Variants in RBPMS observed in about 807,000 individuals in gnomAD.
RBPMS encodes the protein RNA binding protein, mRNA processing factor, also known as RNA-binding protein with multiple splicing.
A neutral mutation model predicts 26.8 loss-of-function variants in RBPMS; 7 were observed. That is an observed-to-expected ratio of 0.26 (90% CI 0.15 to 0.49). The LOEUF is 0.49. Ranked by LOEUF, RBPMS falls within the 20% of genes least tolerant of loss-of-function variation. The probability of loss-of-function intolerance (pLI) is 0.98; values close to 1 mark genes in which losing one functional copy is unlikely to be tolerated. For missense variants in RBPMS, 186 were observed against 250.0 expected, an observed-to-expected ratio of 0.74 and a Z score of 1.73; for synonymous variants, 96 against 93.3, an observed-to-expected ratio of 1.03 and a Z score of -0.17.
intron 5 of RBPMS, among the ~76,000 whole-genome samples, chr8:30,543,010 A>G (rs1223828402): frequency 6.6e-6 from 1 of 152,242 alleles, no homozygotes; most frequent in Non-Finnish European, 1.5e-5. Flanking sequence ...ACCTAGATGC[A>G]CAGGCAGTCT....
chr8:30,506,973 G>A (rs1821139247), intron 5 of RBPMS, among the ~76,000 whole-genome samples: 1 of 152,152 alleles, frequency 6.6e-6, no homozygotes, highest in Admixed American at 6.5e-5. Context: ...GGAGGTGATG[G>A]TGGTCAAAGT....
intron 5 of RBPMS, among the ~76,000 whole-genome samples, chr8:30,530,035 G>A (rs553627249): frequency 8.5e-5 from 13 of 152,134 alleles, no homozygotes; most frequent in South Asian, 2.1e-4. Flanking sequence ...GATTACAGGC[G>A]TGAGCCACCG....
chr8:30,479,598 A>G (rs1818063857), intron 4 of RBPMS, among the ~76,000 whole-genome samples: 1 of 152,208 alleles, frequency 6.6e-6, no homozygotes, highest in Non-Finnish European at 1.5e-5. Context: ...TCTGAATGAA[A>G]TGCTCAAAAT....
rs889378231 is a variant in RBPMS at position 30,559,030 on chromosome 8, G to A, written c.*7+74G>A. ...TGTACATGGTGGGTGCGCCATGAAC[G>A]CAGCTCTCCTCCTTTCTCTGCACCC... On this transcript the variant is annotated intron_variant, in intron 7 of 8. Coordinates refer to ENST00000397323, the MANE Select transcript of RBPMS (RefSeq NM_001008710.3). 1.9e-5 allele frequency: 23 copies of A among 1,226,042 alleles called. No individual in the cohort carries two copies. In the African/African-American group the frequency reaches 2.1e-4, roughly 11 times the overall value. 75.9% of individuals were successfully genotyped at this position (1,226,042 alleles called of 1,614,324 possible). A position where few individuals can be genotyped will look rare whatever the true frequency, so the allele number is the denominator to read the frequency against.
intron 1 of RBPMS, among the ~76,000 whole-genome samples, chr8:30,448,435 T>G (rs1814135448): frequency 6.6e-6 from 1 of 152,206 alleles, no homozygotes; most frequent in Non-Finnish European, 1.5e-5. Context: ...CTGCCTGTTT[T>G]CAGTACTAGT....
At chr8:30,414,437 C>G (rs1223230655) in intron 1 of RBPMS, among the ~76,000 whole-genome samples, 1 of 152,136 alleles carries the variant, frequency 6.6e-6, no homozygotes, top group Non-Finnish European at 1.5e-5. Flanking sequence ...TTGATTAGAA[C>G]AGTATGCTAA....
At chr8:30,530,493 G>A (rs28578628) in intron 5 of RBPMS, among the ~76,000 whole-genome samples, 8,430 of 151,736 alleles carry the variant, frequency 0.056, 767 homozygotes, top group African/African-American at 0.19. Context: ...ATGGAGTTTC[G>A]CTCTTGTTGC....
At chr8:30,481,759 G>C (rs1341324722) in intron 4 of RBPMS, among the ~76,000 whole-genome samples, 2 of 152,182 alleles carry the variant, frequency 1.3e-5, no homozygotes, top group African/African-American at 4.8e-5. Flanking sequence ...TTACATAAGA[G>C]TGTAGGACAT....
intron 6 of RBPMS, among the ~76,000 whole-genome samples, chr8:30,557,855 T>C (rs1827091700): frequency 2.0e-5 from 3 of 152,230 alleles, no homozygotes; most frequent in African/African-American, 7.2e-5. Context: ...CTTGCCCTTT[T>C]GGGTGTTTTT....
intron 1 of RBPMS, among the ~76,000 whole-genome samples, chr8:30,427,047 T>C (rs1010543389): frequency 2.6e-5 from 4 of 152,170 alleles, no homozygotes; most frequent in African/African-American, 9.7e-5. Context: ...TGCTTTGGCC[T>C]CCCAAAGTGC....
At chr8:30,540,661 G>A (rs1825290767) in intron 5 of RBPMS, among the ~76,000 whole-genome samples, 2 of 152,148 alleles carry the variant, frequency 1.3e-5, no homozygotes, top group Non-Finnish European at 2.9e-5. Flanking sequence ...GGGTCCAAGC[G>A]ATCTTCTTCC....
In RBPMS at chr8:30,470,382, TA is replaced by T. The variant is rs560844858; in HGVS notation, c.67-4385del. ...CTGGGCGACAGAACGAGATTCCATCTAAAAAAAAAAAATCTGTGATTCTAGA... is the reference window on the plus strand; with the variant it reads ...CTGGGCGACAGAACGAGATTCCATCTAAAAAAAAAAATCTGTGATTCTAGA... On this transcript the variant is annotated intron_variant, in intron 1 of 8. Transcript: ENST00000397323. 2.9e-3 allele frequency among the ~76,000 whole-genome samples: 425 copies of T among 144,902 alleles called. 1 individual carries two copies. The highest frequency in any genetic ancestry group is 8.3e-3 in the African/African-American group (331 of 39,832).
At chr8:30,443,996 A>C (rs560246950) in intron 1 of RBPMS, among the ~76,000 whole-genome samples, 3 of 152,076 alleles carry the variant, frequency 2.0e-5, no homozygotes, top group Non-Finnish European at 4.4e-5. Context: ...TCCCAGGTTC[A>C]AGCGATTCTC....
At chr8:30,446,492 C>T (rs1365111903) in intron 1 of RBPMS, among the ~76,000 whole-genome samples, 1 of 152,158 alleles carries the variant, frequency 6.6e-6, no homozygotes, top group Non-Finnish European at 1.5e-5. Flanking sequence ...GCATTAGAAT[C>T]CCTAATAGTG....
intron 5 of RBPMS, among the ~76,000 whole-genome samples, chr8:30,531,946 A>G (rs773575845): frequency 2.0e-5 from 3 of 152,110 alleles, no homozygotes; most frequent in Non-Finnish European, 4.4e-5. Flanking sequence ...GAGTCTCCCA[A>G]GGTACTTAGC....
intron 6 of RBPMS, among the ~76,000 whole-genome samples, chr8:30,550,206 G>A (rs1309808072): frequency 1.3e-5 from 2 of 152,072 alleles, no homozygotes; most frequent in African/African-American, 4.8e-5. Flanking sequence ...AGAGCTCTGC[G>A]GGGCTTCATT....
chr8:30,544,200 T>A (rs1446603378), intron 5 of RBPMS, among the ~76,000 whole-genome samples: 1 of 152,178 alleles, frequency 6.6e-6, no homozygotes, highest in African/African-American at 2.4e-5. Flanking sequence ...CCCACTGTTT[T>A]GGGTTCCCCA....
chr8:30,419,066 T>TG (rs1305112639), intron 1 of RBPMS, among the ~76,000 whole-genome samples: 5 of 123,488 alleles, frequency 4.0e-5, no homozygotes, highest in East Asian at 4.1e-4. Flanking sequence ...GATTATCAGT[T>TG]GAAAAAAAAA....
chr8:30,455,606 C>T (rs113400528), intron 1 of RBPMS, among the ~76,000 whole-genome samples: 5 of 151,944 alleles, frequency 3.3e-5, no homozygotes, highest in African/African-American at 1.2e-4. Flanking sequence ...AGAGACAATG[C>T]AGGCCGGGCG....
Sources: allele counts gnomAD v4.1 joint callset (sites outside exome capture counted in the v4.1 genomes callset), GRCh38; gene constraint gnomAD v4.1.1; transcripts MANE v1.5; gene names NCBI Gene and HGNC (gene_info 2026-07-23, HGNC 2026-07-21).